PTHLH: variants seen among roughly 807,000 people sequenced by gnomAD.
PTHLH encodes the protein parathyroid hormone like hormone.
A neutral mutation model predicts 18.6 loss-of-function variants in PTHLH; 5 were observed. The observed-to-expected ratio is 0.27, with a 90% CI of 0.14 to 0.56. PTHLH has a LOEUF of 0.56. Ranked by LOEUF, PTHLH falls within the 20% of genes least tolerant of loss-of-function variation. PTHLH has a pLI of 0.92. For missense variants in PTHLH, 207 were observed against 223.9 expected (o/e 0.92, Z 0.48); for synonymous variants, 90 against 94.0 (o/e 0.96, Z 0.25).
rs1178212828 is a variant in PTHLH, at chr12:27,970,148, C to G, written c.-146G>C. Reference sequence around the variant, plus strand: ...GCGAGGGCGGGTCGTTAGTGGCAGCCGGAGCGGCAGGGAGGCGGCAGCCCC... The same window carrying G: ...GCGAGGGCGGGTCGTTAGTGGCAGCGGGAGCGGCAGGGAGGCGGCAGCCCC... On this transcript the variant is annotated 5_prime_UTR_variant, in exon 3 of 6. Transcript: ENST00000545234. 2 of 517,946 alleles carry G rather than the reference C, an allele frequency of 3.9e-6. No individual in the cohort carries two copies. The highest frequency in any genetic ancestry group is 7.7e-6 in the Non-Finnish European group (2 of 259,584). The allele number at this position is 517,946 out of a possible 1,614,324, so 32.1% of individuals were successfully genotyped here.
chr12:27,969,646 GAAA>G (rs778706343), intron 3 of PTHLH, 130 bp from the exon 4 acceptor site: 3 of 883,544 alleles, frequency 3.4e-6, no homozygotes, highest in Non-Finnish European at 5.6e-6. Context: ...AAGTTGAAAA[GAAA>G]AAAAATTTCT....
intron 5 of PTHLH, chr12:27,962,875 TATGAC>T (rs1394925358): frequency 6.0e-6 from 6 of 993,960 alleles, no homozygotes; most frequent in Non-Finnish European, 7.2e-6. Context: ...CAGAATCGTT[TATGAC>T]ATGATGCTGT....
chr12:27,969,656 T>A (rs758210975), intron 3 of PTHLH, 140 bp from the exon 4 acceptor site: 49 of 826,100 alleles, frequency 5.9e-5, no homozygotes, highest in Non-Finnish European at 9.2e-5. Flanking sequence ...GAAAAAAAAT[T>A]TCTCTGGAGC....
In PTHLH at chr12:27,969,445, C is replaced by T. The variant is rs2062847968; in HGVS notation, c.50G>A (p.Ser17Asn). The change falls in exon 4 of 6, where the codon AGC becomes AAC. Residue 17 changes from serine (S) to asparagine (N), a missense_variant. Coordinates refer to ENST00000545234, the MANE Select transcript of PTHLH (RefSeq NM_198965.2). ...QQWSVAVFLL[S>N]YAVPSCGRSV... is the part of the protein sequence containing the mutation. Reference sequence around the variant, plus strand: ...GCGCCCGCAGGAGGGCACCGCGTAGCTCAGCAGGAACACCGCGACGCTCCA... The same window carrying T: ...GCGCCCGCAGGAGGGCACCGCGTAGTTCAGCAGGAACACCGCGACGCTCCA... 9 of 1,595,482 alleles carry T rather than the reference C, an allele frequency of 5.6e-6. No homozygotes were observed. The highest frequency in any genetic ancestry group is 1.7e-5 in the Admixed American group (1 of 58,502).
intron 2 of PTHLH, among the ~76,000 whole-genome samples, chr12:27,970,770 T>G (rs2062865265): frequency 6.6e-6 from 1 of 152,066 alleles, no homozygotes; most frequent in South Asian, 2.1e-4. Flanking sequence ...ACCGGGAGCC[T>G]GCGCGGAGAG....
chr12:27,963,623 C>T lies in PTHLH; in HGVS notation c.249G>A (p.Lys83=). 2 of 1,614,062 alleles carry T rather than the reference C, an allele frequency of 1.2e-6. No homozygotes were observed. Among genetic ancestry groups the T allele is most frequent in the Non-Finnish European group, 8.5e-7 (1 of 1,180,006 alleles). The change falls in exon 5 of 6, where the codon AAG becomes AAA. Residue 83 remains lysine, a synonymous_variant. Coordinates refer to ENST00000545234, the MANE Select transcript of PTHLH (RefSeq NM_198965.2). ...RATSEVSPNS[K]PSPNTKNHPV... is the part of the protein sequence containing the mutation. The stretch of plus-strand genomic sequence containing the variant: ...GGTGGTTCTTTGTGTTGGGAGAGGG[C>T]TTGGAGTTAGGGGACACCTCCGAGG...
intron 2 of PTHLH, among the ~76,000 whole-genome samples, chr12:27,971,431 G>A (rs1268000817): frequency 2.0e-5 from 3 of 152,080 alleles, no homozygotes; most frequent in Admixed American, 6.5e-5. Flanking sequence ...CCATTCAAGG[G>A]ATATTTGTCT....
At chr12:27,963,158 G>T (rs2062776357) in intron 5 of PTHLH, 190 bp downstream of exon 5, 1 of 1,479,768 alleles carries the variant, frequency 6.8e-7, no homozygotes, top group Non-Finnish European at 8.9e-7. Flanking sequence ...GAGGACAGGG[G>T]TGTGTGTGGT....
chr12:27,972,239 G>A (rs1434430834), intron 1 of PTHLH, among the ~76,000 whole-genome samples: 2 of 152,078 alleles, frequency 1.3e-5, no homozygotes, highest in African/African-American at 4.8e-5. Context: ...CACTTATGTT[G>A]TAAATAAATT....
At position 27,972,535 on chromosome 12, in the gene PTHLH, T is replaced by G. The variant is rs2062878437; in HGVS notation, c.-371A>C. 1 of 152,250 alleles carries G rather than the reference T, an allele frequency of 6.6e-6. No individual in the cohort carries two copies. Among genetic ancestry groups the G allele is most frequent in the Non-Finnish European group, 1.5e-5 (1 of 68,034 alleles). 9.4% of individuals were successfully genotyped at this position (152,250 alleles called of 1,614,324 possible). On this transcript the variant is annotated 5_prime_UTR_variant, in exon 1 of 6. Coordinates refer to ENST00000545234, the MANE Select transcript of PTHLH (RefSeq NM_198965.2). ...TTTATTACTTCACCTTTTCCTTGAT[T>G]TACAATCTTCTCTCTGCTCTTCTGG...
chr12:27,966,627 G>A (rs1398924474), intron 4 of PTHLH, among the ~76,000 whole-genome samples: 1 of 152,066 alleles, frequency 6.6e-6, no homozygotes, highest in African/African-American at 2.4e-5. Flanking sequence ...ACATTACATA[G>A]CACTATGGTT....
chr12:27,960,578 C>A (rs1478718821), intron 5 of PTHLH, among the ~76,000 whole-genome samples: 1 of 151,550 alleles, frequency 6.6e-6, no homozygotes, highest in Admixed American at 6.6e-5. Flanking sequence ...ATTAGCCAGG[C>A]ATGGTGGCGG....
At chr12:27,961,312 T>C (rs1389273359) in intron 5 of PTHLH, among the ~76,000 whole-genome samples, 5 of 94,572 alleles carry the variant, frequency 5.3e-5, no homozygotes, top group African/African-American at 1.4e-4. Context: ...TATATATATA[T>C]ATATATATAC....
chr12:27,971,676 G>T (rs894373341), intron 2 of PTHLH, among the ~76,000 whole-genome samples: 2 of 151,490 alleles, frequency 1.3e-5, no homozygotes, highest in African/African-American at 4.9e-5. Flanking sequence ...TAGGTTGGGT[G>T]GGGGGGCATA....
intron 4 of PTHLH, among the ~76,000 whole-genome samples, chr12:27,968,690 T>C (rs2062839111): frequency 6.6e-6 from 1 of 152,164 alleles, no homozygotes; most frequent in Non-Finnish European, 1.5e-5. Context: ...AATGCCAAAA[T>C]ACAAGTTTTC....
At chr12:27,961,323 G>A (rs1473938424) in intron 5 of PTHLH, among the ~76,000 whole-genome samples, 2 of 91,936 alleles carry the variant, frequency 2.2e-5, no homozygotes, top group African/African-American at 8.1e-5. Context: ...ATATATATAC[G>A]TATATATATA....
At chr12:27,968,881 G>T (rs1416540485) in intron 4 of PTHLH, among the ~76,000 whole-genome samples, 1 of 152,100 alleles carries the variant, frequency 6.6e-6, no homozygotes, top group Non-Finnish European at 1.5e-5. Context: ...TATATAATAC[G>T]CTTTTATTAT....
Position 27,963,127 on chromosome 12 carries a change from T to C in PTHLH, c.524+221A>G. The C allele has an allele frequency of 2.8e-6, 4 of 1,433,688 alleles. No homozygotes were observed. In the South Asian group the frequency reaches 4.5e-5, roughly 16 times the overall value. The allele number at this position is 1,433,688 out of a possible 1,614,324, so 88.8% of individuals were successfully genotyped here. A position where few individuals can be genotyped will look rare whatever the true frequency, so the allele number is the denominator to read the frequency against. ...ACGGTGGAGAAAGAGGAATGGGCTC[T>C]AGCGCCTCTCTATGGTGCTGGAGGA... On this transcript the variant is annotated intron_variant, in intron 5 of 5. Transcript: ENST00000545234.
Position 27,972,023 on chromosome 12 carries a change from T to TAAAAAAAA in PTHLH, c.-358-12_-358-5dup, listed in dbSNP as rs71450770. 1.1e-4 allele frequency: 6 copies of TAAAAAAAA among 55,362 alleles called. No individual in the cohort carries two copies. Among genetic ancestry groups the TAAAAAAAA allele is most frequent in the East Asian group, 5.9e-4 (1 of 1,694 alleles). 3.4% of individuals were successfully genotyped at this position (55,362 alleles called of 1,614,324 possible). A position where few individuals can be genotyped will look rare whatever the true frequency, so the allele number is the denominator to read the frequency against. On this transcript the variant is annotated splice_region_variant and splice_polypyrimidine_tract_variant and intron_variant, in intron 1 of 5. Transcript: ENST00000545234. ...CGTTAGATCTGAAGGGGGAAATCTG[T>TAAAAAAAA]AAAAAAAAAAAAAAAAAAAAAAAAA... is the stretch of plus-strand genomic sequence containing the variant.
Sources: gnomAD v4.1 joint callset for allele counts (sites outside exome capture counted in the v4.1 genomes callset) on GRCh38, gnomAD v4.1.1 for gene constraint, MANE v1.5 for transcripts, NCBI Gene and HGNC (gene_info 2026-07-23, HGNC 2026-07-21) for gene names.